ZP2: variants seen among roughly 807,000 people sequenced by gnomAD.
ZP2 encodes the protein zona pellucida sperm-binding protein 2.
Under a neutral mutation model 84.0 loss-of-function variants are expected in ZP2, and 51 were observed. The observed-to-expected ratio is 0.61, with a 90% CI of 0.49 to 0.77. The LOEUF is 0.77. Ranked by LOEUF, ZP2 falls within the 30% of genes least tolerant of loss-of-function variation. The pLI is 0.00. For missense variants in ZP2, 909 were observed against 911.9 expected (o/e 1.00, Z 0.04); for synonymous variants, 375 against 330.9 (o/e 1.13, Z -1.45).
chr16:21,209,185 CCAGA>C (rs1337629552), intron 4 of ZP2, among the ~76,000 whole-genome samples: 1 of 152,126 alleles, frequency 6.6e-6, no homozygotes, highest in Non-Finnish European at 1.5e-5. Flanking sequence ...CCACCCTCCT[CCAGA>C]CAGTTTTGCT....
chr16:21,212,537 T>C (rs2093279243), upstream of ZP2, among the ~76,000 whole-genome samples: 2 of 152,346 alleles, frequency 1.3e-5, no homozygotes, highest in African/African-American at 4.8e-5. Flanking sequence ...TTTATAACTA[T>C]TAAACATAAA....
rs550654920 is a variant in ZP2, at chr16:21,205,587, G to GAAGTCA, written c.529-9_529-4dup. The GAAGTCA allele has an allele frequency of 1.4e-4, 234 of 1,613,976 alleles. 1 individual carries two copies. The East Asian group carries it at 4.3e-3, about 30-fold the overall frequency. On this transcript the variant is annotated splice_region_variant and splice_polypyrimidine_tract_variant and intron_variant, in intron 6 of 18. Transcript: ENST00000574091. ...CATCCCATCTGAACTTTGGTCCCCT[G>GAAGTCA]AAGTCAAAAAGCTTTGTTTAGAGGG...
Position 21,199,842 on chromosome 16 carries a change from G to A in ZP2, c.1731C>T (p.Phe577=), listed in dbSNP as rs745521810. The A allele has an allele frequency of 6.2e-7, 1 of 1,613,106 alleles. No homozygotes were observed. The highest frequency in any genetic ancestry group is 1.7e-5 in the Admixed American group (1 of 60,018). Reference sequence around the variant, plus strand: ...GGGTCACAGAGGAGCCGACTGGATGGAAGGTGGTCTGGTAGTTGTCCAGGT... The same window carrying A: ...GGGTCACAGAGGAGCCGACTGGATGAAAGGTGGTCTGGTAGTTGTCCAGGT... The part of the protein sequence containing the change: ...AYDLDNYQTT[F]HPVGSSVTHP... The change falls in exon 15 of 19, where the codon TTC becomes TTT. Residue 577 remains phenylalanine (F), a synonymous_variant. Coordinates refer to ENST00000574091, the MANE Select transcript of ZP2 (RefSeq NM_001376232.1).
chr16:21,212,735 G>C (rs903835821), upstream of ZP2, among the ~76,000 whole-genome samples: 3 of 152,136 alleles, frequency 2.0e-5, no homozygotes, highest in African/African-American at 7.2e-5. Context: ...AAAACTTCTG[G>C]GTAAAAGGGA....
At chr16:21,213,817 C>T (rs1440630713), upstream of ZP2, among the ~76,000 whole-genome samples, 1 of 152,016 alleles carries the variant, frequency 6.6e-6, no homozygotes, top group African/African-American at 2.4e-5. Flanking sequence ...AATAGTTTCT[C>T]CTTCTATGCA....
chr16:21,210,835 A>G (rs2093271326), intron 2 of ZP2, among the ~76,000 whole-genome samples: 2 of 151,040 alleles, frequency 1.3e-5, no homozygotes, highest in Non-Finnish European at 2.9e-5. Flanking sequence ...TTGGCTTCCC[A>G]AAGTTCTGGG....
upstream of ZP2, among the ~76,000 whole-genome samples, chr16:21,211,929 A>ATT (rs35514328): frequency 0.012 from 1,745 of 142,392 alleles, 28 homozygotes; most frequent in African/African-American, 0.037. Context: ...ACACCACTAC[A>ATT]TTTTTTTTTT....
In ZP2 at chr16:21,201,928, T is replaced by C; in HGVS notation, c.1379+4A>G. 1 of 1,613,148 alleles carries C rather than the reference T, an allele frequency of 6.2e-7. No individual in the cohort carries two copies. Among genetic ancestry groups the C allele is most frequent in the Non-Finnish European group, 8.5e-7 (1 of 1,179,204 alleles). The stretch of plus-strand genomic sequence containing the variant: ...TTAAGAGTCAAATAGCAATTTTATC[T>C]CACCTGAACTCACTGTCTCTAGATA... On this transcript the variant is annotated splice_donor_region_variant and intron_variant, in intron 12 of 18. Coordinates refer to ENST00000574091, the MANE Select transcript of ZP2 (RefSeq NM_001376232.1).
At chr16:21,211,460 C>G in intron 1 of ZP2, 26 bp downstream of exon 1, 2 of 1,614,048 alleles carry the variant, frequency 1.2e-6, no homozygotes, top group Middle Eastern at 1.6e-4. Context: ...ACCATACCCC[C>G]TCCCTCCACT....
In ZP2 at chr16:21,209,713, A is replaced by G; in HGVS notation, c.248T>C (p.Leu83Pro). Residue 83 changes from leucine to proline, a missense_variant, in exon 4 of 19, where the codon CTC (leucine) becomes CCC (proline). Leu to Pro is a moderately conservative substitution (Grantham distance 98). Transcript: ENST00000574091. Reference sequence around the variant, plus strand: ...GATGTAAGTGCAGTTCGGCATGTCGAGACCAAGAGGATCTGCCAAGGCCAG... The same window carrying G: ...GATGTAAGTGCAGTTCGGCATGTCGGGACCAAGAGGATCTGCCAAGGCCAG... ...WHASVVDPLGLDMPNCTYILD... is the reference protein window; with the variant it reads ...WHASVVDPLGPDMPNCTYILD... The G allele has an allele frequency of 6.2e-7, 1 of 1,614,176 alleles. No individual in the cohort carries two copies. The highest frequency in any genetic ancestry group is 8.5e-7 in the Non-Finnish European group (1 of 1,180,010).
chr16:21,198,687 C>T, intron 17 of ZP2, 92 bp downstream of exon 17: 2 of 1,055,114 alleles, frequency 1.9e-6, no homozygotes, highest in East Asian at 2.5e-5. Context: ...TTTAGACTCA[C>T]CACGGGTACA....
chr16:21,201,709 G>A lies in ZP2; in HGVS notation c.1501C>T (p.Pro501Ser). 1.2e-6 allele frequency: 2 copies of A among 1,613,996 alleles called. No homozygotes were observed. Among genetic ancestry groups the A allele is most frequent in the Non-Finnish European group, 1.7e-6 (2 of 1,180,010 alleles). The change falls in exon 13 of 19, where the codon CCA becomes TCA. Residue 501 changes from proline (P) to serine (S), a missense_variant. Physicochemically the swap from Pro to Ser is moderately conservative, Grantham distance 74. Coordinates refer to ENST00000574091, the MANE Select transcript of ZP2 (RefSeq NM_001376232.1). ...TTCACAGACTGCAATCTCTTACCTG[G>A]GTAGCTTTGCAGGATCAAGGTAAAT... ...GPFTLILQSY[P>S]DNSYQQPYGE...
upstream of ZP2, among the ~76,000 whole-genome samples, chr16:21,211,998 G>A (rs1254413715): frequency 3.3e-5 from 5 of 151,560 alleles, no homozygotes; most frequent in Non-Finnish European, 5.9e-5. Context: ...TGCAATCTCG[G>A]CTCACTGCAA....
chr16:21,213,221 T>G (rs542181494), upstream of ZP2, among the ~76,000 whole-genome samples: 3 of 152,214 alleles, frequency 2.0e-5, no homozygotes, highest in African/African-American at 7.2e-5. Flanking sequence ...ATTTTTGTAT[T>G]TTTGGTAGAG....
In ZP2 at chr16:21,204,326, G is replaced by A. The variant is rs2093239661; in HGVS notation, c.772C>T (p.Gln258Ter). The change falls in exon 8 of 19, where the codon CAA becomes TAA. Residue 258 changes from glutamine to a stop codon, truncating the protein, a stop_gained. Coordinates refer to ENST00000574091, the MANE Select transcript of ZP2 (RefSeq NM_001376232.1). LOFTEE classifies it high-confidence loss of function. ...ACCTTACCTGGTGCACAAATAGCTT[G>A]TGAAGAGAAGATCACCTTCTGTCCA... ...SPGQKVIFSSQAICAPDPVTC... is the reference protein window; with the variant it reads ...SPGQKVIFSS 1.2e-6 allele frequency: 2 copies of A among 1,614,104 alleles called. No homozygotes were observed. Among genetic ancestry groups the A allele is most frequent in the Non-Finnish European group, 1.7e-6 (2 of 1,179,984 alleles).
upstream of ZP2, among the ~76,000 whole-genome samples, chr16:21,213,876 C>G (rs2093283069): frequency 1.3e-5 from 2 of 152,066 alleles, no homozygotes; most frequent in South Asian, 2.1e-4. Flanking sequence ...TTTATTGCCA[C>G]AATGGTTAAG....
intron 10 of ZP2, 65 bp from the exon 11 acceptor site, chr16:21,202,356 C>T: frequency 7.3e-7 from 1 of 1,372,592 alleles, no homozygotes; most frequent in African/African-American, 1.5e-5. Context: ...CATCTCCCAA[C>T]CTGATATGCT....
intron 4 of ZP2, among the ~76,000 whole-genome samples, chr16:21,208,697 C>T (rs1021389724): frequency 6.6e-6 from 1 of 152,140 alleles, no homozygotes; most frequent in African/African-American, 2.4e-5. Flanking sequence ...CTTTTAACAC[C>T]TGTTTCTATA....
upstream of ZP2, among the ~76,000 whole-genome samples, chr16:21,212,002 A>G (rs2152857039): frequency 6.7e-6 from 1 of 150,230 alleles, no homozygotes; most frequent in Admixed American, 6.7e-5. Flanking sequence ...ATCTCGGCTC[A>G]CTGCAACCTC....
Sources: gnomAD v4.1 joint callset for allele counts (sites outside exome capture counted in the v4.1 genomes callset) on GRCh38, gnomAD v4.1.1 for gene constraint, MANE v1.5 for transcripts, NCBI Gene and HGNC (gene_info 2026-07-23, HGNC 2026-07-21) for gene names.